The following DSCAM variants were observed in gnomAD, a reference collection of about 807,000 sequenced individuals.
The protein encoded by DSCAM is cell adhesion molecule DSCAM.
Under a neutral mutation model 217.7 loss-of-function variants are expected in DSCAM, and 47 were observed. The observed-to-expected ratio is 0.22, with a 90% CI of 0.17 to 0.28. The LOEUF (loss-of-function observed/expected upper bound fraction) is 0.28, where lower values mean the gene tolerates loss of function less well. Among genes scored for constraint, DSCAM ranks in the 10% least tolerant of loss-of-function variants. The pLI is 1.00. For synonymous variants in DSCAM, 1,056 were observed against 1,015.3 expected, an observed-to-expected ratio of 1.04 and a Z score of -0.76; for missense variants, 2,080 against 2,618.3, an observed-to-expected ratio of 0.79 and a Z score of 4.49.
intron 20 of DSCAM, among the ~76,000 whole-genome samples, chr21:40,097,586 A>C (rs1325580054): frequency 1.3e-5 from 2 of 152,204 alleles, no homozygotes; most frequent in Non-Finnish European, 2.9e-5. Flanking sequence ...AATATATTAA[A>C]GGCAAAGATT....
chr21:40,747,763 AAC>A (rs1491273660), intron 1 of DSCAM, among the ~76,000 whole-genome samples: 127 of 124,356 alleles, frequency 1.0e-3, no homozygotes, highest in South Asian at 6.6e-3. Context: ...AGAATACAAC[AAC>A]AAAAAAGGAA....
intron 14 of DSCAM, among the ~76,000 whole-genome samples, chr21:40,186,723 C>T (rs1212908106): frequency 1.3e-5 from 2 of 152,196 alleles, no homozygotes; most frequent in East Asian, 3.9e-4. Flanking sequence ...AGCTTGAGCT[C>T]AACGCTCTGG....
intron 32 of DSCAM, among the ~76,000 whole-genome samples, chr21:40,031,426 G>T (rs1383038193): frequency 6.6e-6 from 1 of 152,088 alleles, no homozygotes; most frequent in African/African-American, 2.4e-5. Context: ...AATATCTCCT[G>T]AGTAAAAAGA....
chr21:40,620,672 A>G (rs2089501610), intron 3 of DSCAM, among the ~76,000 whole-genome samples: 1 of 152,274 alleles, frequency 6.6e-6, no homozygotes, highest in South Asian at 2.1e-4. Context: ...ATATACTGCT[A>G]GTGAGAATTC....
Position 40,324,103 on chromosome 21 carries a change from C to CAAAAAAAAAAAAAAAAAA in DSCAM, c.1784-11762_1784-11745dup, listed in dbSNP as rs71330393. ...GGGCAACAAGAGTGAAACTCTGTCT[C>CAAAAAAAAAAAAAAAAAA]AAAAAAAAAAAAAAAAAAAAAAAAA... On this transcript the variant is annotated intron_variant, in intron 8 of 32. Transcript: ENST00000400454. 9.3e-4 allele frequency among the ~76,000 whole-genome samples: 26 copies of CAAAAAAAAAAAAAAAAAA among 27,952 alleles called. 2 individuals carry two copies. The South Asian group carries it at 9.4e-3, about 10-fold the overall frequency. 18.3% of individuals were successfully genotyped at this position (27,952 alleles called of 152,430 possible).
chr21:40,375,136 A>G (rs541241844), intron 3 of DSCAM, among the ~76,000 whole-genome samples: 1 of 152,182 alleles, frequency 6.6e-6, no homozygotes, highest in Non-Finnish European at 1.5e-5. Context: ...TATTTTATCT[A>G]ACAGGAAGGC....
At chr21:40,539,667 TG>T (rs1327585885) in intron 3 of DSCAM, among the ~76,000 whole-genome samples, 10 of 152,174 alleles carry the variant, frequency 6.6e-5, no homozygotes, top group African/African-American at 2.4e-4. Context: ...AGAGCAAGGA[TG>T]TTTTTTGTTG....
At chr21:40,349,152 A>AAAAAAAAAAAAAAAAAAAAAAAAAAC (rs2074601348) in intron 5 of DSCAM, among the ~76,000 whole-genome samples, 1 of 147,438 alleles carries the variant, frequency 6.8e-6, no homozygotes, top group Admixed American at 6.9e-5. Flanking sequence ...AAAAAAAAAA[A>AAAAAAAAAAAAAAAAAAAAAAAAAAC]AAAGAAATGC....
chr21:40,089,287 T>C (rs2089573287), intron 21 of DSCAM, among the ~76,000 whole-genome samples: 1 of 152,196 alleles, frequency 6.6e-6, no homozygotes, highest in Admixed American at 6.5e-5. Context: ...AATCTTTGTT[T>C]AAAATGCAGG....
At chr21:40,518,587 T>C (rs1262393867) in intron 3 of DSCAM, among the ~76,000 whole-genome samples, 1 of 89,102 alleles carries the variant, frequency 1.1e-5, no homozygotes, top group African/African-American at 5.6e-5. Context: ...CACACACATA[T>C]ACACACACAC....
At chr21:40,634,536 A>C (rs2089730693) in intron 3 of DSCAM, among the ~76,000 whole-genome samples, 2 of 152,198 alleles carry the variant, frequency 1.3e-5, no homozygotes, top group African/African-American at 4.8e-5. Context: ...CACAGCTCAG[A>C]TGCAACACGA....
chr21:40,189,127 T>G lies in DSCAM; in HGVS notation c.2468A>C (p.Lys823Thr). 1 of 1,614,198 alleles carries G rather than the reference T, an allele frequency of 6.2e-7. No homozygotes were observed. The highest frequency in any genetic ancestry group is 2.2e-5 in the East Asian group (1 of 44,874). ...CTCAGGGTTAATGATTCGGTCCTCC[T>G]TCTCCCAGCGGACTATAATGGGCTT... ...GEKPIIVRWE[K>T]EDRIINPEMA... is the part of the protein sequence containing the mutation. The change falls in exon 12 of 33, where the codon AAG (lysine) becomes ACG (threonine). Residue 823 changes from lysine to threonine, a missense_variant. This residue lies in a region of DSCAM where 1,144 missense variants were observed against 1,421.1 expected (regional missense o/e 0.81). Coordinates refer to ENST00000400454, the MANE Select transcript of DSCAM (RefSeq NM_001389.5).
At chr21:40,315,147 C>T (rs1295692923) in intron 8 of DSCAM, among the ~76,000 whole-genome samples, 1 of 152,036 alleles carries the variant, frequency 6.6e-6, no homozygotes, top group Admixed American at 6.6e-5. Context: ...GCCTGTAATC[C>T]CAACACTTTG....
At chr21:40,294,727 G>A (rs1337944247) in intron 10 of DSCAM, among the ~76,000 whole-genome samples, 2 of 152,200 alleles carry the variant, frequency 1.3e-5, no homozygotes, top group Admixed American at 6.5e-5. Flanking sequence ...CACTTCCATA[G>A]AAACTAAATT....
At chr21:40,746,952 G>A (rs942931153) in intron 1 of DSCAM, among the ~76,000 whole-genome samples, 10 of 151,838 alleles carry the variant, frequency 6.6e-5, no homozygotes, top group Non-Finnish European at 1.0e-4. Flanking sequence ...TAAGCAACAC[G>A]CTCCTGAGCA....
intron 3 of DSCAM, among the ~76,000 whole-genome samples, chr21:40,420,784 C>T (rs897133527): frequency 1.3e-5 from 2 of 152,122 alleles, no homozygotes; most frequent in Non-Finnish European, 2.9e-5. Flanking sequence ...GATGTTTCTA[C>T]AAGCCAACAA....
At chr21:40,790,184 T>TTTC (rs2091628523) in intron 1 of DSCAM, among the ~76,000 whole-genome samples, 1 of 140,514 alleles carries the variant, frequency 7.1e-6, no homozygotes, top group Admixed American at 7.4e-5. Flanking sequence ...TTCTTTCTTT[T>TTTC]TTTTTTTTTT....
intron 10 of DSCAM, among the ~76,000 whole-genome samples, chr21:40,277,798 G>A (rs1205709777): frequency 6.6e-6 from 1 of 151,030 alleles, no homozygotes; most frequent in Non-Finnish European, 1.5e-5. Context: ...GAACCTGGGA[G>A]GCAGAGGATG....
chr21:40,406,517 A>G (rs901744552), intron 3 of DSCAM, among the ~76,000 whole-genome samples: 2 of 152,236 alleles, frequency 1.3e-5, no homozygotes, highest in African/African-American at 4.8e-5. Context: ...CCTGAAGGAC[A>G]TTACGCTAAG....
Sources: allele counts gnomAD v4.1 joint callset (sites outside exome capture counted in the v4.1 genomes callset), GRCh38; gene constraint gnomAD v4.1.1; regional missense constraint gnomAD v4.1.1; transcripts MANE v1.5; gene names NCBI Gene and HGNC (gene_info 2026-07-23, HGNC 2026-07-21).